Variants in PRELID2 observed in about 807,000 individuals in gnomAD.
PRELID2 encodes the protein PRELI domain containing 2, also known as PRELI domain-containing protein 2.
PRELID2 carries 25 observed loss-of-function variants against 28.4 expected under a neutral mutation model. That is an observed-to-expected ratio of 0.88 (90% CI 0.64 to 1.23). The LOEUF is 1.23. Ranked by LOEUF, PRELID2 falls within the 50% of genes most tolerant of loss-of-function variation. PRELID2 has a pLI of 0.00. For missense variants in PRELID2, 201 were observed against 214.4 expected, an observed-to-expected ratio of 0.94 and a Z score of 0.39; for synonymous variants, 76 against 71.6, an observed-to-expected ratio of 1.06 and a Z score of -0.31.
At chr5:145,817,815 A>T in intron 4 of PRELID2, 79 bp downstream of exon 4, 1 of 1,213,974 alleles carries the variant, frequency 8.2e-7, no homozygotes, top group Non-Finnish European at 1.1e-6. Flanking sequence ...ATAAGTATAG[A>T]ACCATAGATT....
At chr5:145,647,884 C>T (rs1041787618) in intron 1 of PRELID2, among the ~76,000 whole-genome samples, 1 of 151,932 alleles carries the variant, frequency 6.6e-6, no homozygotes, top group Non-Finnish European at 1.5e-5. Context: ...TCCAACAAGT[C>T]CCAATGAGAT....
Position 145,643,645 on chromosome 5 carries a change from G to T in PRELID2, n.70+121286C>A, listed in dbSNP as rs1361079410. 2.0e-5 allele frequency among the ~76,000 whole-genome samples: 3 copies of T among 152,226 alleles called. No homozygotes were observed. The East Asian group carries it at 5.8e-4, about 29-fold the overall frequency. ...TCCCATCCAGTATGATATTGACTGT[G>T]GGTTTGTCATAAATAGATCTTATTG... On this transcript the variant is annotated intron_variant and non_coding_transcript_variant, in intron 1 of 2. Coordinates refer to the PRELID2 transcript ENST00000510259.
chr5:145,413,046 T>G, the PRELID2 span, among the ~76,000 whole-genome samples: 31 of 152,262 alleles, frequency 2.0e-4, no homozygotes, highest in African/African-American at 7.2e-4. Context: ...CAATTCAAGA[T>G]GAGATTTTAG....
At chr5:145,627,967 A>G (rs111411798) in intron 1 of PRELID2, among the ~76,000 whole-genome samples, 182 of 152,312 alleles carry the variant, frequency 1.2e-3, no homozygotes, top group African/African-American at 4.2e-3. Context: ...TTCAATGTTT[A>G]TTATTTATCC....
chr5:145,817,406 A>G (rs1754425210), intron 4 of PRELID2, among the ~76,000 whole-genome samples: 1 of 68,450 alleles, frequency 1.5e-5, no homozygotes, highest in Non-Finnish European at 3.9e-5. Context: ...TATGCAATAA[A>G]GGAATAAGCT....
At chr5:145,316,945 TCA>T in the PRELID2 span, among the ~76,000 whole-genome samples, 136 of 152,314 alleles carry the variant, frequency 8.9e-4, 1 homozygote, top group East Asian at 0.016. Flanking sequence ...TCACAAATCA[TCA>T]CAGTTCTAAA....
At chr5:145,376,687 C>T in the PRELID2 span, among the ~76,000 whole-genome samples, 1 of 152,068 alleles carries the variant, frequency 6.6e-6, no homozygotes, top group Non-Finnish European at 1.5e-5. Flanking sequence ...CATAGATGTT[C>T]ATAATATTCT....
chr5:145,289,027 T>G, the PRELID2 span, among the ~76,000 whole-genome samples: 3 of 152,176 alleles, frequency 2.0e-5, no homozygotes, highest in Non-Finnish European at 4.4e-5. Flanking sequence ...AAGTTACTTT[T>G]GTTGGCACTG....
chr5:145,295,877 G>C, the PRELID2 span, among the ~76,000 whole-genome samples: 2 of 152,200 alleles, frequency 1.3e-5, no homozygotes, highest in African/African-American at 4.8e-5. Context: ...GAGAATCAAA[G>C]GGATGATTTG....
the PRELID2 span, among the ~76,000 whole-genome samples, chr5:145,302,182 G>T: frequency 6.6e-6 from 1 of 150,642 alleles, no homozygotes; most frequent in African/African-American, 2.4e-5. Context: ...CTTTTTCTGA[G>T]ACAGTCTCAC....
At chr5:145,727,654 C>T (rs1756211140) in intron 1 of PRELID2, among the ~76,000 whole-genome samples, 1 of 152,148 alleles carries the variant, frequency 6.6e-6, no homozygotes, top group African/African-American at 2.4e-5. Flanking sequence ...ACAAAATCCA[C>T]AAATGTAGAG....
At chr5:145,595,814 T>C (rs1263783379) in intron 1 of PRELID2, among the ~76,000 whole-genome samples, 1 of 152,176 alleles carries the variant, frequency 6.6e-6, no homozygotes, top group African/African-American at 2.4e-5. Context: ...CATGTCTACT[T>C]TTAAAATTCA....
At chr5:145,276,700 C>T in the PRELID2 span, among the ~76,000 whole-genome samples, 1 of 152,062 alleles carries the variant, frequency 6.6e-6, no homozygotes, top group Non-Finnish European at 1.5e-5. Context: ...TCATGAATTG[C>T]TTTCTGCTAT....
the PRELID2 span, among the ~76,000 whole-genome samples, chr5:145,247,524 A>G: frequency 1.3e-5 from 2 of 152,006 alleles, no homozygotes; most frequent in Non-Finnish European, 2.9e-5. Context: ...ACAGAAAAGG[A>G]TTTTTCTATG....
intron 1 of PRELID2, among the ~76,000 whole-genome samples, chr5:145,514,806 G>C (rs1158551594): frequency 6.6e-6 from 1 of 152,064 alleles, no homozygotes; most frequent in Non-Finnish European, 1.5e-5. Flanking sequence ...ATAACAAACA[G>C]TCTTAGACCA....
intron 5 of PRELID2, among the ~76,000 whole-genome samples, chr5:145,785,967 C>T (rs1751966544): frequency 6.6e-6 from 1 of 152,176 alleles, no homozygotes; most frequent in Non-Finnish European, 1.5e-5. Context: ...GTGAGCTGTT[C>T]ATGCAATTCA....
At chr5:145,564,397 C>T (rs541043716) in intron 1 of PRELID2, among the ~76,000 whole-genome samples, 9 of 152,282 alleles carry the variant, frequency 5.9e-5, no homozygotes, top group African/African-American at 2.2e-4. Flanking sequence ...CTTTCACAGC[C>T]TTGAATGTCC....
intron 1 of PRELID2, among the ~76,000 whole-genome samples, chr5:145,662,488 T>G (rs1754512803): frequency 1.3e-5 from 2 of 152,086 alleles, no homozygotes; most frequent in South Asian, 4.1e-4. Context: ...TATTTTGTCT[T>G]TGCTATAGTT....
intron 1 of PRELID2, among the ~76,000 whole-genome samples, chr5:145,505,546 C>G (rs1030870739): frequency 6.6e-6 from 1 of 152,092 alleles, no homozygotes; most frequent in Non-Finnish European, 1.5e-5. Context: ...ACATTTTGAT[C>G]TTTTCAAAAT....
Sources: gnomAD v4.1 joint callset for allele counts (sites outside exome capture counted in the v4.1 genomes callset) on GRCh38, gnomAD v4.1.1 for gene constraint, MANE v1.5 for transcripts, NCBI Gene and HGNC (gene_info 2026-07-23, HGNC 2026-07-21) for gene names.